Variants in RGS8 observed in about 807,000 individuals in gnomAD.
RGS8 encodes the protein regulator of G protein signaling 8.
Under a neutral mutation model 21.7 loss-of-function variants are expected in RGS8, and 8 were observed. The observed-to-expected ratio is 0.37, with a 90% CI of 0.22 to 0.66. RGS8 has a LOEUF of 0.66. Among genes scored for constraint, RGS8 ranks in the 30% least tolerant of loss-of-function variants. The pLI, the probability that RGS8 is intolerant of heterozygous loss-of-function variation, is 0.59. For missense variants in RGS8, 157 were observed against 217.9 expected, an observed-to-expected ratio of 0.72 and a Z score of 1.76; for synonymous variants, 80 against 83.6, an observed-to-expected ratio of 0.96 and a Z score of 0.24.
rs186170085 is a variant in RGS8, at chr1:182,670,294, G to T, written c.-103-542C>A. ...CCACACAGGCTTGCTCCTCTGCAGG[G>T]ATCACAGGTGCAGGCTGAAGAAACG... On this transcript the variant is annotated intron_variant, in intron 2 of 6. Transcript: ENST00000483095. 2.6e-5 allele frequency among the ~76,000 whole-genome samples: 4 copies of T among 152,314 alleles called. No individual in the cohort carries two copies. The East Asian group carries it at 5.8e-4, about 22-fold the overall frequency.
the RGS8 span, among the ~76,000 whole-genome samples, chr1:182,717,750 T>A: frequency 6.6e-6 from 1 of 152,164 alleles, no homozygotes; most frequent in African/African-American, 2.4e-5. Context: ...CCATAAGAAG[T>A]AAACTCTAAA....
the RGS8 span, among the ~76,000 whole-genome samples, chr1:182,715,657 G>A: frequency 4.5e-4 from 68 of 152,240 alleles, no homozygotes; most frequent in Middle Eastern, 3.4e-3. Flanking sequence ...GATGCTGCTC[G>A]TCTTGAGACC....
At chr1:182,649,992 A>G (rs1375131294) in intron 5 of RGS8, among the ~76,000 whole-genome samples, 1 of 151,532 alleles carries the variant, frequency 6.6e-6, no homozygotes, top group African/African-American at 2.4e-5. Flanking sequence ...ACTCACTGCA[A>G]CCTGTGCCTC....
At chr1:182,739,396 G>A in the RGS8 span, among the ~76,000 whole-genome samples, 1 of 152,106 alleles carries the variant, frequency 6.6e-6, no homozygotes, top group African/African-American at 2.4e-5. Context: ...AGTGTCACTG[G>A]GGCCCCGACC....
In RGS8 at chr1:182,646,924, A is replaced by G. The variant is rs1662730102; in HGVS notation, c.361-7T>C. 1 of 1,610,896 alleles carries G rather than the reference A, an allele frequency of 6.2e-7. No individual in the cohort carries two copies. Among genetic ancestry groups the G allele is most frequent in the Non-Finnish European group, 8.5e-7 (1 of 1,179,062 alleles). ...TCTGGAAGTCAATGTTTACCTAGAG[A>G]TACAAACAGAGAGCAAGGTCACAGG... is the stretch of plus-strand genomic sequence containing the variant. On this transcript the variant is annotated splice_polypyrimidine_tract_variant and splice_region_variant and intron_variant, in intron 6 of 6. Coordinates refer to ENST00000483095, the Ensembl canonical transcript of RGS8.
the RGS8 span, among the ~76,000 whole-genome samples, chr1:182,742,171 C>T: frequency 2.0e-5 from 3 of 150,326 alleles, no homozygotes; most frequent in East Asian, 2.0e-4. Context: ...CCTCACTTCC[C>T]AGATGTGATG....
intron 6 of RGS8, among the ~76,000 whole-genome samples, chr1:182,647,802 A>C (rs1477460865): frequency 6.6e-6 from 1 of 152,246 alleles, no homozygotes; most frequent in Non-Finnish European, 1.5e-5. Flanking sequence ...ATTTCAAAGC[A>C]GATCCACATT....
At chr1:182,698,117 T>C in the RGS8 span, among the ~76,000 whole-genome samples, 2 of 152,220 alleles carry the variant, frequency 1.3e-5, no homozygotes, top group South Asian at 4.1e-4. Context: ...TGTTTCTCCC[T>C]TCCCCTGCTA....
chr1:182,666,149 A>C (rs772952462), intron 4 of RGS8, 116 bp from the exon 6 acceptor site: 2 of 748,860 alleles, frequency 2.7e-6, no homozygotes, highest in Non-Finnish European at 4.6e-6. Flanking sequence ...GGGTGCAGGG[A>C]GCAAATGAAG....
intron 2 of RGS8, 109 bp from the exon 4 acceptor site, chr1:182,669,861 C>A: frequency 8.1e-7 from 1 of 1,236,528 alleles, no homozygotes. Flanking sequence ...ACACACATCC[C>A]CCCAGCCCCA....
intron 5 of RGS8, among the ~76,000 whole-genome samples, chr1:182,651,913 G>C (rs1270547355): frequency 6.6e-6 from 1 of 152,210 alleles, no homozygotes; most frequent in Admixed American, 6.5e-5. Context: ...GTTTAGCAAG[G>C]GGGGGACTCT....
chr1:182,751,741 C>G, the RGS8 span, among the ~76,000 whole-genome samples: 9 of 152,184 alleles, frequency 5.9e-5, no homozygotes, highest in African/African-American at 2.2e-4. Flanking sequence ...AAAAGATATA[C>G]CATATACATA....
At chr1:182,739,031 C>A in the RGS8 span, among the ~76,000 whole-genome samples, 2 of 152,218 alleles carry the variant, frequency 1.3e-5, no homozygotes, top group Non-Finnish European at 2.9e-5. Flanking sequence ...AACTTCTGAT[C>A]TCTCCTCACC....
the RGS8 span, among the ~76,000 whole-genome samples, chr1:182,717,307 C>T: frequency 0.48 from 72,475 of 151,992 alleles, 18,085 homozygotes; most frequent in African/African-American, 0.64. Flanking sequence ...AGGCTGAGGC[C>T]GGAGGAGCAA....
At chr1:182,650,333 A>G (rs1233952593) in intron 5 of RGS8, among the ~76,000 whole-genome samples, 3 of 152,242 alleles carry the variant, frequency 2.0e-5, no homozygotes, top group African/African-American at 2.4e-5. Flanking sequence ...GATATATTCA[A>G]TGCTTACTTT....
upstream of RGS8, chr1:182,672,204 G>A (rs1015267255): frequency 1.2e-5 from 2 of 172,686 alleles, no homozygotes; most frequent in Admixed American, 5.6e-5. Context: ...AATGAGCCCC[G>A]CTGCTGGCTG....
At chr1:182,667,167 G>A (rs1387350072) in intron 3 of RGS8, among the ~76,000 whole-genome samples, 194 bp from the exon 5 acceptor site, 3 of 152,004 alleles carry the variant, frequency 2.0e-5, no homozygotes, top group South Asian at 2.1e-4. Context: ...TACCCTAACC[G>A]ACCCCCTAGA....
chr1:182,732,258 C>T, the RGS8 span, among the ~76,000 whole-genome samples: 3 of 115,492 alleles, frequency 2.6e-5, no homozygotes, highest in African/African-American at 1.1e-4. Context: ...CCCTCTGTCT[C>T]GCTCTCTCTC....
the RGS8 span, among the ~76,000 whole-genome samples, chr1:182,709,398 C>A: frequency 3.3e-5 from 5 of 152,174 alleles, no homozygotes; most frequent in Non-Finnish European, 7.3e-5. Context: ...TCCATACCCA[C>A]TCAAACCAGA....
Sources: allele counts gnomAD v4.1 joint callset (sites outside exome capture counted in the v4.1 genomes callset), GRCh38; gene constraint gnomAD v4.1.1; transcripts MANE v1.5; gene names NCBI Gene and HGNC (gene_info 2026-07-23, HGNC 2026-07-21).